The following RNGTT variants were observed in gnomAD, a reference collection of about 807,000 sequenced individuals.
RNGTT encodes RNA guanylyltransferase and 5'-phosphatase, also known as mRNA-capping enzyme.
RNGTT carries 33 observed loss-of-function variants against 79.3 expected under a neutral mutation model. The ratio of observed to expected loss-of-function variants is 0.42; its 90% CI spans 0.32 to 0.56. The LOEUF is 0.56. RNGTT is among the 20% of genes least tolerant of loss of function. The pLI is 0.17. For missense variants in RNGTT, 497 were observed against 739.1 expected (o/e 0.67, Z 3.80); for synonymous variants, 222 against 235.9 (o/e 0.94, Z 0.54).
chr6:88,689,450 C>T (rs1775397746), intron 13 of RNGTT, among the ~76,000 whole-genome samples: 1 of 151,876 alleles, frequency 6.6e-6, no homozygotes, highest in African/African-American at 2.4e-5. Context: ...AAAAATTAGC[C>T]AGGCATGGTG....
intron 14 of RNGTT, among the ~76,000 whole-genome samples, chr6:88,677,550 T>G (rs1482504452): frequency 6.6e-6 from 1 of 152,128 alleles, no homozygotes; most frequent in African/African-American, 2.4e-5. Context: ...CACTGCAACC[T>G]TGACCTCCCA....
At chr6:88,768,204 G>T (rs1423768049) in intron 13 of RNGTT, among the ~76,000 whole-genome samples, 1 of 151,120 alleles carries the variant, frequency 6.6e-6, no homozygotes, top group African/African-American at 2.4e-5. Flanking sequence ...ACTTGCTCTG[G>T]GCTCAAGCAA....
At chr6:88,769,079 TATAAG>T (rs1778560503) in intron 13 of RNGTT, among the ~76,000 whole-genome samples, 1 of 152,196 alleles carries the variant, frequency 6.6e-6, no homozygotes, top group Admixed American at 6.5e-5. Flanking sequence ...CTATAATTCA[TATAAG>T]AGAATTATTT....
intron 12 of RNGTT, among the ~76,000 whole-genome samples, chr6:88,783,890 G>A (rs1779145285): frequency 6.6e-6 from 1 of 152,118 alleles, no homozygotes; most frequent in African/African-American, 2.4e-5. Context: ...CTGATCTAAA[G>A]TATGCATTCA....
intron 15 of RNGTT, among the ~76,000 whole-genome samples, 163 bp downstream of exon 15, chr6:88,614,109 G>A (rs1772131624): frequency 1.3e-5 from 2 of 152,208 alleles, no homozygotes; most frequent in South Asian, 2.1e-4. Flanking sequence ...AAGCCAACTG[G>A]AGCCAAACAG....
chr6:88,929,809 T>G (rs1784428847), intron 2 of RNGTT, among the ~76,000 whole-genome samples: 2 of 151,588 alleles, frequency 1.3e-5, no homozygotes, highest in South Asian at 4.1e-4. Flanking sequence ...GATGTGTATA[T>G]ATATATACAT....
chr6:88,617,010 C>A (rs927706138), intron 14 of RNGTT, among the ~76,000 whole-genome samples: 3 of 152,192 alleles, frequency 2.0e-5, no homozygotes, highest in African/African-American at 7.2e-5. Context: ...CAGTGGCTCA[C>A]GCCTGTAATC....
chr6:88,958,499 A>G (rs772419262), intron 1 of RNGTT, among the ~76,000 whole-genome samples: 2 of 152,220 alleles, frequency 1.3e-5, no homozygotes, highest in Non-Finnish European at 2.9e-5. Context: ...TCCAGAATCT[A>G]CAAGGAACTG....
chr6:88,858,722 A>T (rs975484715), intron 8 of RNGTT, among the ~76,000 whole-genome samples: 4 of 152,174 alleles, frequency 2.6e-5, no homozygotes, highest in African/African-American at 9.7e-5. Flanking sequence ...TTTAGACAAT[A>T]GTTTGTTTGT....
chr6:88,924,673 T>C (rs1411135170), intron 4 of RNGTT, among the ~76,000 whole-genome samples: 1 of 151,988 alleles, frequency 6.6e-6, no homozygotes, highest in Non-Finnish European at 1.5e-5. Context: ...TGTCTTTTGT[T>C]GTTGTTGTTT....
intron 4 of RNGTT, among the ~76,000 whole-genome samples, chr6:88,926,787 G>C (rs1404258383): frequency 6.6e-6 from 1 of 152,114 alleles, no homozygotes; most frequent in Non-Finnish European, 1.5e-5. Flanking sequence ...TAATATAATT[G>C]CTATGAAAAG....
intron 4 of RNGTT, among the ~76,000 whole-genome samples, chr6:88,926,969 G>A (rs565412146): frequency 1.3e-4 from 19 of 151,846 alleles, no homozygotes; most frequent in Non-Finnish European, 2.1e-4. Flanking sequence ...TTTATCTTAC[G>A]TTCTCAATAT....
At chr6:88,650,612 C>T (rs1002818642) in intron 14 of RNGTT, among the ~76,000 whole-genome samples, 4 of 151,990 alleles carry the variant, frequency 2.6e-5, no homozygotes, top group Admixed American at 1.3e-4. Flanking sequence ...GAAAAAAAAT[C>T]GTGAAAATGA....
chr6:88,621,697 T>C (rs1242504643), intron 14 of RNGTT, among the ~76,000 whole-genome samples: 1 of 151,932 alleles, frequency 6.6e-6, no homozygotes, highest in Non-Finnish European at 1.5e-5. Flanking sequence ...GGCCATTAGT[T>C]TGGACTAAGC....
intron 13 of RNGTT, among the ~76,000 whole-genome samples, chr6:88,721,665 A>G (rs1776715375): frequency 6.6e-6 from 1 of 152,096 alleles, no homozygotes; most frequent in African/African-American, 2.4e-5. Context: ...CCTACTGTTT[A>G]TATCTCATTA....
At chr6:88,753,884 C>T (rs1012996113) in intron 13 of RNGTT, among the ~76,000 whole-genome samples, 3 of 151,860 alleles carry the variant, frequency 2.0e-5, no homozygotes, top group East Asian at 1.9e-4. Flanking sequence ...TTAGAAAGTA[C>T]GGGTTAAAAA....
chr6:88,773,287 A>G (rs1443799143), intron 12 of RNGTT, among the ~76,000 whole-genome samples: 3 of 138,136 alleles, frequency 2.2e-5, no homozygotes, highest in Non-Finnish European at 4.6e-5. Context: ...ACATGGACAC[A>G]GGAAGGGGAA....
intron 13 of RNGTT, among the ~76,000 whole-genome samples, chr6:88,737,469 G>A (rs934249978): frequency 3.3e-5 from 5 of 152,086 alleles, no homozygotes; most frequent in Admixed American, 1.3e-4. Flanking sequence ...TATAAATTGG[G>A]GGAAGGGAGG....
At chr6:88,666,966 G>C (rs915259554) in intron 14 of RNGTT, among the ~76,000 whole-genome samples, 6 of 152,314 alleles carry the variant, frequency 3.9e-5, no homozygotes, top group East Asian at 3.9e-4. Flanking sequence ...AACTCAGGGG[G>C]AAAGGACATT....
Sources: allele counts gnomAD v4.1 joint callset (sites outside exome capture counted in the v4.1 genomes callset), GRCh38; gene constraint gnomAD v4.1.1; transcripts MANE v1.5; gene names NCBI Gene and HGNC (gene_info 2026-07-23, HGNC 2026-07-21).